Variants in SGCD observed in about 807,000 individuals in gnomAD.
SGCD encodes sarcoglycan delta.
A neutral mutation model predicts 36.6 loss-of-function variants in SGCD; 18 were observed. The observed-to-expected ratio is 0.49, with a 90% CI of 0.34 to 0.73. The LOEUF (loss-of-function observed/expected upper bound fraction) is 0.73, where lower values mean the gene tolerates loss of function less well. SGCD is among the 30% of genes least tolerant of loss of function. The pLI is 0.01. For missense variants in SGCD, 387 were observed against 346.7 expected, an observed-to-expected ratio of 1.12 and a Z score of -0.92; for synonymous variants, 133 against 130.6, an observed-to-expected ratio of 1.02 and a Z score of -0.12.
rs1448553827 is a variant in SGCD, at chr5:156,052,152, A to G, written c.-281-65726A>G. Among the ~76,000 whole-genome samples, 3 of 146,206 alleles carry G rather than the reference A, an allele frequency of 2.1e-5. 1 individual carries two copies. The highest frequency in any genetic ancestry group is 2.2e-4 in the South Asian group (1 of 4,634). On this transcript the variant is annotated intron_variant, in intron 1 of 9. Transcript: ENST00000517913. Reference sequence around the variant, plus strand: ...CAGCTTGAATCCCAAGTTCCACCCAAGAAGAGGAGGGGCCAGGCTGCCCTC... The same window carrying G: ...CAGCTTGAATCCCAAGTTCCACCCAGGAAGAGGAGGGGCCAGGCTGCCCTC...
Position 156,631,540 on chromosome 5 carries a change from C to T in SGCD, c.503-15924C>T, listed in dbSNP as rs1159191557. 2.0e-5 allele frequency among the ~76,000 whole-genome samples: 3 copies of T among 147,962 alleles called. No homozygotes were observed. In the South Asian group the frequency reaches 6.4e-4, roughly 32 times the overall value. On this transcript the variant is annotated intron_variant, in intron 6 of 8. Coordinates refer to ENST00000337851, the MANE Select transcript of SGCD (RefSeq NM_000337.6). ...CTTTGGCACTGACTAATTCAGTCTT[C>T]ATAGACGCTATTTTTTTTTCTGTTT...
chr5:156,687,478 A>C (rs1367623580), intron 7 of SGCD, among the ~76,000 whole-genome samples: 1 of 152,210 alleles, frequency 6.6e-6, no homozygotes, highest in South Asian at 2.1e-4. Context: ...TGAAGGCATA[A>C]AATTCAACTT....
intron 6 of SGCD, among the ~76,000 whole-genome samples, chr5:156,617,756 C>A (rs1260430334): frequency 6.6e-6 from 1 of 152,174 alleles, no homozygotes; most frequent in Non-Finnish European, 1.5e-5. Context: ...CAGCCCATTT[C>A]TTTATCTGAA....
At chr5:156,543,016 G>A (rs1015580955) in intron 4 of SGCD, among the ~76,000 whole-genome samples, 2 of 152,164 alleles carry the variant, frequency 1.3e-5, no homozygotes, top group Non-Finnish European at 2.9e-5. Context: ...CTGCATGAGG[G>A]CAAGATCAGG....
chr5:156,044,525 C>T (rs1759716016), intron 1 of SGCD, among the ~76,000 whole-genome samples: 1 of 152,130 alleles, frequency 6.6e-6, no homozygotes, highest in Admixed American at 6.5e-5. Flanking sequence ...GCTGTCTTCC[C>T]CTTTTTAATC....
At chr5:156,365,208 C>T (rs1299942470) in intron 3 of SGCD, among the ~76,000 whole-genome samples, 1 of 152,186 alleles carries the variant, frequency 6.6e-6, no homozygotes, top group East Asian at 1.9e-4. Context: ...AGCACAGTGA[C>T]TTATCGCTTC....
intron 1 of SGCD, among the ~76,000 whole-genome samples, chr5:156,023,134 A>C (rs1759145318): frequency 6.6e-6 from 1 of 152,242 alleles, no homozygotes; most frequent in Admixed American, 6.5e-5. Context: ...CCTTTGAAAT[A>C]TGAATGATGA....
chr5:156,676,391 C>T lies in SGCD; in HGVS notation c.575+28855C>T, dbSNP rs560984186. On this transcript the variant is annotated intron_variant, in intron 7 of 8. Transcript: ENST00000337851. ...TATTTTTGGTAATAACAGGTAGACA[C>T]CCTCTGTGGCCATTAAAAGCAAATC... 9.9e-5 allele frequency among the ~76,000 whole-genome samples: 15 copies of T among 152,266 alleles called. No individual in the cohort carries two copies. The South Asian group carries it at 3.1e-3, about 32-fold the overall frequency.
chr5:156,714,446 C>T (rs951492533), intron 7 of SGCD, among the ~76,000 whole-genome samples: 4 of 152,194 alleles, frequency 2.6e-5, no homozygotes, highest in Non-Finnish European at 5.9e-5. Context: ...ACATGAGGTA[C>T]AGTCCTGTTG....
At chr5:156,502,513 T>G (rs577581731) in intron 3 of SGCD, among the ~76,000 whole-genome samples, 1 of 152,134 alleles carries the variant, frequency 6.6e-6, no homozygotes, top group Non-Finnish European at 1.5e-5. Context: ...TTTATTTTTA[T>G]TTTTTAGGAT....
At chr5:156,231,480 G>A (rs1430656224) in intron 3 of SGCD, among the ~76,000 whole-genome samples, 1 of 152,146 alleles carries the variant, frequency 6.6e-6, no homozygotes, top group African/African-American at 2.4e-5. Flanking sequence ...AGGTTGCAGT[G>A]AGCTGAGATC....
intron 2 of SGCD, among the ~76,000 whole-genome samples, chr5:156,123,638 T>C (rs1321036614): frequency 2.6e-5 from 4 of 152,154 alleles, no homozygotes; most frequent in Admixed American, 2.6e-4. Context: ...AGTCCTAAAA[T>C]ACCTTCCAGC....
At chr5:156,507,385 T>A (rs1247691940) in intron 3 of SGCD, among the ~76,000 whole-genome samples, 1 of 152,202 alleles carries the variant, frequency 6.6e-6, no homozygotes. Context: ...ATTCTCCCTT[T>A]AGAGCCTCCA....
chr5:156,457,910 C>A (rs1754326662), intron 3 of SGCD, among the ~76,000 whole-genome samples: 1 of 152,126 alleles, frequency 6.6e-6, no homozygotes, highest in South Asian at 2.1e-4. Context: ...CTTTCTATAA[C>A]CTAGCTGAGT....
At position 156,500,684 on chromosome 5, in the gene SGCD, G is replaced by A. The variant is rs73297104; in HGVS notation, c.193-7917G>A. On this transcript the variant is annotated intron_variant, in intron 3 of 8. Coordinates refer to ENST00000337851, the MANE Select transcript of SGCD (RefSeq NM_000337.6). ...GTCTGCAACCTACTCATCTAACAAC[G>A]ACCAACGTTTGCCTTTTTCTGAATA... Among the ~76,000 whole-genome samples the A allele has an allele frequency of 4.7e-3, 711 of 152,190 alleles. 5 individuals carry two copies. Among genetic ancestry groups the A allele is most frequent in the African/African-American group, 0.016 (652 of 41,514 alleles).
At chr5:155,941,710 A>G (rs1393222216) in intron 1 of SGCD, among the ~76,000 whole-genome samples, 1 of 152,064 alleles carries the variant, frequency 6.6e-6, no homozygotes, top group Non-Finnish European at 1.5e-5. Context: ...TGTCTCATAC[A>G]TTCAATGCCT....
chr5:156,231,578 A>G (rs1414645098), intron 3 of SGCD, among the ~76,000 whole-genome samples: 1 of 152,198 alleles, frequency 6.6e-6, no homozygotes, highest in Non-Finnish European at 1.5e-5. Context: ...AAAAAGGTGA[A>G]CAGAAGATAA....
chr5:156,440,154 A>T (rs1340905295), intron 3 of SGCD, among the ~76,000 whole-genome samples: 2 of 152,104 alleles, frequency 1.3e-5, no homozygotes, highest in African/African-American at 4.8e-5. Context: ...CCCTGTAGTC[A>T]TTGGCAACCT....
chr5:155,796,730 C>T, the SGCD span, among the ~76,000 whole-genome samples: 1 of 141,308 alleles, frequency 7.1e-6, no homozygotes, highest in African/African-American at 2.7e-5. Context: ...CGCTTGAACC[C>T]AGGAGGTGGA....
Sources: allele counts gnomAD v4.1 joint callset (sites outside exome capture counted in the v4.1 genomes callset), GRCh38; gene constraint gnomAD v4.1.1; transcripts MANE v1.5; gene names NCBI Gene and HGNC (gene_info 2026-07-23, HGNC 2026-07-21).